The following TSPAN18 variants were observed in gnomAD, a reference collection of about 807,000 sequenced individuals.
The protein encoded by TSPAN18 is tetraspanin 18, also known as tetraspanin-18.
In TSPAN18, 14 loss-of-function variants were observed where a neutral mutation model predicts 27.3. That is an observed-to-expected ratio of 0.51 (90% confidence interval 0.34 to 0.80). The LOEUF (loss-of-function observed/expected upper bound fraction) is 0.80, where lower values mean the gene tolerates loss of function less well. Ranked by LOEUF, TSPAN18 falls within the 30% of genes least tolerant of loss-of-function variation. The pLI, the probability that TSPAN18 is intolerant of heterozygous loss-of-function variation, is 0.01. For synonymous variants in TSPAN18, 143 were observed against 136.5 expected, an observed-to-expected ratio of 1.05 and a Z score of -0.33; for missense variants, 268 against 323.9, an observed-to-expected ratio of 0.83 and a Z score of 1.32.
chr11:44,773,416 CA>C lies in TSPAN18; in HGVS notation c.-153+8913del, dbSNP rs143838540. ...GGGCAACAAGAGTGAAACTCCATCT[CA>C]AAAAAAAACCCAAAAAACAAAAAAC... is the stretch of plus-strand genomic sequence containing the variant. On this transcript the variant is annotated intron_variant, in intron 2 of 9. Transcript: ENST00000520358. 4.7e-5 allele frequency among the ~76,000 whole-genome samples: 7 copies of C among 149,982 alleles called. No homozygotes were observed. In the South Asian group the frequency reaches 8.4e-4, roughly 18 times the overall value.
At chr11:44,779,785 A>G (rs1186649596) in intron 2 of TSPAN18, among the ~76,000 whole-genome samples, 3 of 152,262 alleles carry the variant, frequency 2.0e-5, no homozygotes, top group Non-Finnish European at 2.9e-5. Context: ...ATGTCTATGT[A>G]CACTCCTAAG....
At chr11:44,898,044 A>G (rs918862435) in intron 3 of TSPAN18, among the ~76,000 whole-genome samples, 1 of 152,116 alleles carries the variant, frequency 6.6e-6, no homozygotes, top group Non-Finnish European at 1.5e-5. Context: ...TCATTCATCT[A>G]TTCATCCAGA....
intron 2 of TSPAN18, among the ~76,000 whole-genome samples, chr11:44,806,453 G>C (rs368778832): frequency 2.6e-4 from 39 of 152,210 alleles, no homozygotes; most frequent in African/African-American, 8.9e-4. Context: ...GGACGACACT[G>C]TTCCGGATTT....
Position 44,909,863 on chromosome 11 carries a change from CG to C in TSPAN18, c.226del (p.Ala76ProfsTer17), listed in dbSNP as rs1564995304. The C allele has an allele frequency of 6.2e-7, 1 of 1,613,778 alleles. No individual in the cohort carries two copies. Among genetic ancestry groups the C allele is most frequent in the Admixed American group, 1.7e-5 (1 of 60,012 alleles). The part of the protein sequence containing the change: ...LFLLGFLGCC[G>X]AVRENKCLLL... Reference sequence around the variant, plus strand: ...TTCTGCTCGGCTTCCTGGGCTGCTGCGGGGCCGTCCGTGAGAACAAGTGTCT... The same window carrying C: ...TTCTGCTCGGCTTCCTGGGCTGCTGCGGGCCGTCCGTGAGAACAAGTGTCT... On this transcript the variant is annotated frameshift_variant, in exon 5 of 10. Coordinates refer to ENST00000520358, the MANE Select transcript of TSPAN18 (RefSeq NM_130783.5). LOFTEE classifies it high-confidence loss of function.
chr11:44,812,087 C>T lies in TSPAN18; in HGVS notation c.-153+47575C>T, dbSNP rs553115036. On this transcript the variant is annotated intron_variant, in intron 2 of 9. Transcript: ENST00000520358. ...ATGAGTAATCAAACACGCTTACCTC[C>T]CAGGTCTCTGCCAGGTGGGCCTGCA... Among the ~76,000 whole-genome samples the T allele has an allele frequency of 2.6e-5, 4 of 152,316 alleles. No individual in the cohort carries two copies. The East Asian group carries it at 5.8e-4, about 22-fold the overall frequency.
chr11:44,735,492 C>T (rs1258030049), intron 1 of TSPAN18, among the ~76,000 whole-genome samples: 1 of 152,168 alleles, frequency 6.6e-6, no homozygotes, highest in African/African-American at 2.4e-5. Context: ...TTACTGGCAA[C>T]CCTCTGTGTT....
intron 2 of TSPAN18, among the ~76,000 whole-genome samples, chr11:44,850,335 C>T (rs1011536793): frequency 2.6e-5 from 4 of 152,234 alleles, no homozygotes; most frequent in Admixed American, 6.5e-5. Context: ...ATGACAATTC[C>T]GTGTCCTTGT....
chr11:44,738,010 C>T (rs10742727), intron 1 of TSPAN18, among the ~76,000 whole-genome samples: 146,698 of 152,146 alleles, frequency 0.96, 70,843 homozygotes, highest in Non-Finnish European at 1. Context: ...TCTTGGATGA[C>T]TGTTGACTTC....
chr11:44,890,692 G>A lies in TSPAN18; in HGVS notation c.-10-15715G>A, dbSNP rs144386110. On this transcript the variant is annotated intron_variant, in intron 3 of 9. Transcript: ENST00000520358. ...CCTGGGCGGAACCCAGGAGTGAGCC[G>A]AGATCACGCCACTGCACTCCAGCCT... is the stretch of plus-strand genomic sequence containing the variant. Among the ~76,000 whole-genome samples, 145 of 140,766 alleles carry A rather than the reference G, an allele frequency of 1.0e-3. 4 individuals carry two copies. In the East Asian group the frequency reaches 0.026, roughly 25 times the overall value. 92.3% of individuals were successfully genotyped at this position (140,766 alleles called of 152,430 possible). A position where few individuals can be genotyped will look rare whatever the true frequency, so the allele number is the denominator to read the frequency against.
In TSPAN18 at chr11:44,809,509, G is replaced by A. The variant is rs547429589; in HGVS notation, c.-153+44997G>A. Among the ~76,000 whole-genome samples the A allele has an allele frequency of 2.0e-5, 3 of 152,356 alleles. No individual in the cohort carries two copies. In the South Asian group the frequency reaches 6.2e-4, roughly 32 times the overall value. On this transcript the variant is annotated intron_variant, in intron 2 of 9. Transcript: ENST00000520358. ...GCCATTTGAGAAGCAGAGAGCCACAGGTCCATAGATGCGTCTGGCTGTCAG... is the reference window on the plus strand; with the variant it reads ...GCCATTTGAGAAGCAGAGAGCCACAAGTCCATAGATGCGTCTGGCTGTCAG...
intron 2 of TSPAN18, among the ~76,000 whole-genome samples, chr11:44,842,528 T>C (rs1857394221): frequency 6.6e-6 from 1 of 152,102 alleles, no homozygotes; most frequent in Non-Finnish European, 1.5e-5. Flanking sequence ...AGGCCAAGAA[T>C]GGCTGATTGA....
intron 8 of TSPAN18, among the ~76,000 whole-genome samples, chr11:44,920,919 G>A (rs537463203): frequency 6.6e-6 from 1 of 152,222 alleles, no homozygotes; most frequent in Non-Finnish European, 1.5e-5. Flanking sequence ...TTGCTGCGAA[G>A]AAATAAAACC....
intron 2 of TSPAN18, among the ~76,000 whole-genome samples, chr11:44,854,526 A>ACT (rs1236250363): frequency 2.0e-5 from 3 of 152,158 alleles, no homozygotes; most frequent in African/African-American, 7.2e-5. Flanking sequence ...GCACCCTCTT[A>ACT]GACTGTGTTC....
intron 2 of TSPAN18, among the ~76,000 whole-genome samples, chr11:44,765,250 C>T (rs1452006896): frequency 6.6e-6 from 1 of 152,166 alleles, no homozygotes. Context: ...CACTCACGCC[C>T]TCCATTTCTG....
intron 5 of TSPAN18, among the ~76,000 whole-genome samples, chr11:44,910,108 A>G (rs571657326): frequency 3.0e-4 from 45 of 152,348 alleles, no homozygotes; most frequent in African/African-American, 1.1e-3. Flanking sequence ...ACATTCAGCA[A>G]CTTGCCCAGA....
At chr11:44,726,524 C>T (rs954118420), upstream of TSPAN18, 18 of 152,146 alleles carry the variant, frequency 1.2e-4, no homozygotes, top group Non-Finnish European at 2.2e-4. Flanking sequence ...GTACTTCCCC[C>T]GGCAGCGGGA....
In TSPAN18 at chr11:44,924,483, G is replaced by A. The variant is rs112695171; in HGVS notation, c.616-2191G>A. 8.0e-3 allele frequency among the ~76,000 whole-genome samples: 1,213 copies of A among 152,196 alleles called. 22 individuals are homozygous for A. The highest frequency in any genetic ancestry group is 0.027 in the African/African-American group (1,138 of 41,510). ...ACCATTGCCAGATACCACTCTCCTGGGCCATTGCTGTTCCCTGTCCGGGAA... is the reference window on the plus strand; with the variant it reads ...ACCATTGCCAGATACCACTCTCCTGAGCCATTGCTGTTCCCTGTCCGGGAA... On this transcript the variant is annotated intron_variant, in intron 8 of 9. Coordinates refer to ENST00000520358, the MANE Select transcript of TSPAN18 (RefSeq NM_130783.5).
At chr11:44,843,590 A>T (rs1857419854) in intron 2 of TSPAN18, among the ~76,000 whole-genome samples, 1 of 152,188 alleles carries the variant, frequency 6.6e-6, no homozygotes, top group Admixed American at 6.5e-5. Flanking sequence ...CCCTCTTCCT[A>T]ATAAGCCTGG....
At chr11:44,926,895 G>T (rs1031162760) in intron 9 of TSPAN18, 138 bp downstream of exon 9, 2 of 786,834 alleles carry the variant, frequency 2.5e-6, no homozygotes, top group African/African-American at 1.7e-5. Context: ...GCTATGGGGT[G>T]GTAAGCCCGG....
Sources: gnomAD v4.1 joint callset for allele counts (sites outside exome capture counted in the v4.1 genomes callset) on GRCh38, gnomAD v4.1.1 for gene constraint, MANE v1.5 for transcripts, NCBI Gene and HGNC (gene_info 2026-07-23, HGNC 2026-07-21) for gene names.